ANTXRL: variants seen among roughly 807,000 people sequenced by gnomAD.
The protein encoded by ANTXRL is anthrax toxin receptor-like.
ANTXRL carries 63 observed loss-of-function variants against 75.4 expected under a neutral mutation model. That is an observed-to-expected ratio of 0.84 (90% CI 0.68 to 1.03). The LOEUF (loss-of-function observed/expected upper bound fraction) is 1.03, where lower values mean the gene tolerates loss of function less well. Among genes scored for constraint, ANTXRL ranks in the 50% least tolerant of loss-of-function variants. The probability of loss-of-function intolerance (pLI) is 0.00; values close to 1 mark genes in which losing one functional copy is unlikely to be tolerated. For synonymous variants in ANTXRL, 335 were observed against 291.3 expected (o/e 1.15, Z -1.53); for missense variants, 797 against 789.4 (o/e 1.01, Z -0.12).
intron 12 of ANTXRL, 132 bp from the exon 13 acceptor site, chr10:46,308,981 C>T (rs1231896756): frequency 7.0e-5 from 89 of 1,278,198 alleles, no homozygotes; most frequent in East Asian, 2.5e-5. Flanking sequence ...CAGCCCTGGC[C>T]GCTGGCCCCA....
chr10:46,326,729 C>G (rs549602504), intron 16 of ANTXRL, among the ~76,000 whole-genome samples: 1 of 152,230 alleles, frequency 6.6e-6, no homozygotes, highest in South Asian at 2.1e-4. Context: ...GTGACCTGCA[C>G]TCTGGGTCCA....
intron 1 of ANTXRL, among the ~76,000 whole-genome samples, chr10:46,290,540 T>C (rs782662058): frequency 6.6e-6 from 1 of 152,188 alleles, no homozygotes; most frequent in African/African-American, 2.4e-5. Context: ...TGCCAAGCTG[T>C]TTCCCACAGT....
rs1554955485 is a variant in ANTXRL, at chr10:46,287,355, G to C, written c.93G>C (p.Arg31=). 1.3e-6 allele frequency: 2 copies of C among 1,536,034 alleles called. No individual in the cohort carries two copies. Among genetic ancestry groups the C allele is most frequent in the South Asian group, 1.2e-5 (1 of 84,052 alleles). The change falls in exon 1 of 17, where the codon CGG becomes CGC. Residue 31 remains arginine (R), a synonymous_variant. Coordinates refer to ENST00000620264, the MANE Select transcript of ANTXRL (RefSeq NM_001278688.3). ...PPPLFRAGSL[R]YHGPDWRIFH... ...CGCTTTTTAGAGCAGGAAGCCTTCGGTACCATGGACCTGACTGGAGAATAT... is the reference window on the plus strand; with the variant it reads ...CGCTTTTTAGAGCAGGAAGCCTTCGCTACCATGGACCTGACTGGAGAATAT...
chr10:46,291,655 G>C (rs1163533984), intron 1 of ANTXRL, among the ~76,000 whole-genome samples: 24 of 151,972 alleles, frequency 1.6e-4, no homozygotes, highest in African/African-American at 5.8e-4. Context: ...TAAGTATTTT[G>C]TTCTGTTTGA....
chr10:46,303,482 T>C (rs1262689519), intron 10 of ANTXRL, among the ~76,000 whole-genome samples: 3 of 152,218 alleles, frequency 2.0e-5, no homozygotes, highest in Non-Finnish European at 4.4e-5. Context: ...GTGTGCAGTA[T>C]ACTGATGTTT....
intron 16 of ANTXRL, among the ~76,000 whole-genome samples, chr10:46,322,243 A>G (rs1554965699): frequency 6.6e-6 from 1 of 152,102 alleles, no homozygotes; most frequent in Non-Finnish European, 1.5e-5. Flanking sequence ...GTGGATCACA[A>G]GGTCAGGAGT....
Position 46,311,633 on chromosome 10 carries a change from T to A in ANTXRL, c.1297T>A (p.Cys433Ser). The change falls in exon 15 of 17, where the codon TGC (cysteine) becomes AGC (serine). Residue 433 changes from cysteine (C) to serine (S), a missense_variant. Coordinates refer to ENST00000620264, the MANE Select transcript of ANTXRL (RefSeq NM_001278688.3). ...CACTGTGATTATTTGTTGCTGTGGATGCCAAGGAGTGGGCGGGATGAGAAG... is the reference window on the plus strand; with the variant it reads ...CACTGTGATTATTTGTTGCTGTGGAAGCCAAGGAGTGGGCGGGATGAGAAG... ...CPTVIICCCG[C>S]QGVGGMRRIE... 8.0e-7 allele frequency: 1 copy of A among 1,251,286 alleles called. No homozygotes were observed. Among genetic ancestry groups the A allele is most frequent in the Non-Finnish European group, 1.1e-6 (1 of 886,634 alleles). The allele number at this position is 1,251,286 out of a possible 1,614,324, so 77.5% of individuals were successfully genotyped here.
intron 2 of ANTXRL, among the ~76,000 whole-genome samples, chr10:46,293,561 G>GTGCCTGTGTA (rs1312832197): frequency 9.3e-5 from 14 of 149,826 alleles, no homozygotes; most frequent in African/African-American, 2.0e-4. Flanking sequence ...GTGTGAGTGT[G>GTGCCTGTGTA]TGCCTGTGTG....
At chr10:46,299,727 T>C (rs1403398538) in intron 9 of ANTXRL, among the ~76,000 whole-genome samples, 1 of 152,152 alleles carries the variant, frequency 6.6e-6, no homozygotes, top group Non-Finnish European at 1.5e-5. Flanking sequence ...GTCAGTGAGC[T>C]CCAGAAGTGC....
chr10:46,304,460 C>G (rs1342166529), intron 10 of ANTXRL, among the ~76,000 whole-genome samples: 3 of 152,070 alleles, frequency 2.0e-5, no homozygotes, highest in Non-Finnish European at 4.4e-5. Context: ...AAGGGTGACA[C>G]TAGTCCAAGG....
intron 3 of ANTXRL, chr10:46,294,147 C>T (rs1364553194): frequency 1.1e-5 from 6 of 533,494 alleles, no homozygotes; most frequent in Non-Finnish European, 2.0e-5. Flanking sequence ...CTTCACGCTC[C>T]CCTGCCCTCT....
At chr10:46,306,209 T>C (rs1838074293) in intron 10 of ANTXRL, among the ~76,000 whole-genome samples, 1 of 152,212 alleles carries the variant, frequency 6.6e-6, no homozygotes, top group South Asian at 2.1e-4. Context: ...ATGTCACCTC[T>C]TCAGAGATAA....
rs567460107 is a variant in ANTXRL, at chr10:46,321,732, T to A, written c.1411-7867T>A. Among the ~76,000 whole-genome samples the A allele has an allele frequency of 1.3e-5, 2 of 152,216 alleles. 1 individual carries two copies. Among genetic ancestry groups the A allele is most frequent in the South Asian group, 4.2e-4 (2 of 4,816 alleles). On this transcript the variant is annotated intron_variant, in intron 16 of 16. Transcript: ENST00000620264. ...CTACCAAGTTTAAGCATATCAGAGT[T>A]TAGGAGAGTGGGAGAGGCATGCGGT... is the stretch of plus-strand genomic sequence containing the variant.
chr10:46,317,679 C>T (rs1438566872), intron 16 of ANTXRL, among the ~76,000 whole-genome samples: 5 of 152,006 alleles, frequency 3.3e-5, no homozygotes, highest in Non-Finnish European at 5.9e-5. Flanking sequence ...GCCTTCCCTT[C>T]GACTCCTCAG....
chr10:46,322,411 T>C (rs1839022773), intron 16 of ANTXRL, among the ~76,000 whole-genome samples: 1 of 150,876 alleles, frequency 6.6e-6, no homozygotes, highest in Non-Finnish European at 1.5e-5. Flanking sequence ...TGAGCCGAGA[T>C]TGCACCACTG....
intron 5 of ANTXRL, among the ~76,000 whole-genome samples, 193 bp from the exon 6 acceptor site, chr10:46,297,059 T>C (rs781827200): frequency 6.6e-6 from 1 of 152,140 alleles, no homozygotes; most frequent in Non-Finnish European, 1.5e-5. Flanking sequence ...GAGACCTCCC[T>C]GACTCTAGGA....
At chr10:46,320,731 CA>C (rs1206860344) in intron 16 of ANTXRL, among the ~76,000 whole-genome samples, 11 of 149,558 alleles carry the variant, frequency 7.4e-5, no homozygotes, top group Admixed American at 2.0e-4. Context: ...GTCTTTGTCT[CA>C]AAAAAAAAAT....
intron 15 of ANTXRL, among the ~76,000 whole-genome samples, chr10:46,311,947 T>G (rs74423205): frequency 7.5e-6 from 1 of 134,200 alleles, no homozygotes; most frequent in African/African-American, 2.7e-5. Context: ...GTGGCAGCTT[T>G]TGATGTCTGA....
intron 5 of ANTXRL, 26 bp downstream of exon 5, chr10:46,296,278 G>A: frequency 6.5e-7 from 1 of 1,534,934 alleles, no homozygotes; most frequent in Non-Finnish European, 8.7e-7. Context: ...CCCCCTGGTG[G>A]TCCTGTAGGG....
Sources: gnomAD v4.1 joint callset for allele counts (sites outside exome capture counted in the v4.1 genomes callset) on GRCh38, gnomAD v4.1.1 for gene constraint, MANE v1.5 for transcripts, NCBI Gene and HGNC (gene_info 2026-07-23, HGNC 2026-07-21) for gene names.